ID3: variants seen among roughly 807,000 people sequenced by gnomAD.
ID3 encodes the protein inhibitor of DNA binding 3, also known as DNA-binding protein inhibitor ID-3.
ID3 carries 4 observed loss-of-function variants against 9.6 expected under a neutral mutation model. That is an observed-to-expected ratio of 0.42 (90% CI 0.21 to 0.96). The LOEUF is 0.96. ID3 is among the 40% of genes least tolerant of loss of function. The pLI is 0.30. For missense variants in ID3, 191 were observed against 164.5 expected (o/e 1.16, Z -0.88); for synonymous variants, 108 against 75.2 (o/e 1.44, Z -2.26).
chr1:23,558,698 G>A, intron 2 of ID3: 1 of 532,974 alleles, frequency 1.9e-6, no homozygotes, highest in Non-Finnish European at 3.4e-6. Context: ...TCGGACCCAT[G>A]TCTACTTTGC....
In ID3 at chr1:23,559,256, T is replaced by C. The variant is rs2124330272; in HGVS notation, c.171A>G (p.Gly57=). The C allele has an allele frequency of 6.2e-7, 1 of 1,614,176 alleles. No homozygotes were observed. Among genetic ancestry groups the C allele is most frequent in the Non-Finnish European group, 8.5e-7 (1 of 1,180,032 alleles). ...CYSRLRELVP[G]VPRGTQLSQV... ...GGCTAAGCTGAGTGCCTCTCGGGAC[T>C]CCGGGTACCAGTTCCCGCAGGCGGG... is the stretch of plus-strand genomic sequence containing the variant. Residue 57 remains glycine (G), a synonymous_variant, in exon 1 of 3, where the codon GGA becomes GGG. Coordinates refer to ENST00000374561, the MANE Select transcript of ID3 (RefSeq NM_002167.5).
rs184371695 is a variant in ID3 at position 23,559,065 on chromosome 1, C to A, written c.301-46G>T. ...AAGAGTTACGCGAGGCAATCGGGAG[C>A]TCCGAGGGTCCCGCAGCATCCTTGC... On this transcript the variant is annotated intron_variant, in intron 1 of 2. Transcript: ENST00000374561. 191 of 1,612,398 alleles carry A rather than the reference C, an allele frequency of 1.2e-4. No individual in the cohort carries two copies. In the East Asian group the frequency reaches 4.1e-3, roughly 35 times the overall value.
rs1643686195 is a variant in ID3 at position 23,559,146 on chromosome 1, C to T, written c.281G>A (p.Gly94Asp). The change falls in exon 1 of 3, where the codon GGC becomes GAC. Residue 94 changes from glycine to aspartate, a missense_variant. Coordinates refer to ENST00000374561, the MANE Select transcript of ID3 (RefSeq NM_002167.5). ...LAEPAPGPPD[G>D]PHLPIQTAEL... ...GCTTACCTGGATGGGAAGGTGGGGGCCATCAGGGGGTCCAGGGGCTGGCTC... is the reference window on the plus strand; with the variant it reads ...GCTTACCTGGATGGGAAGGTGGGGGTCATCAGGGGGTCCAGGGGCTGGCTC... 5 of 1,613,954 alleles carry T rather than the reference C, an allele frequency of 3.1e-6. No homozygotes were observed. Among genetic ancestry groups the T allele is most frequent in the Non-Finnish European group, 4.2e-6 (5 of 1,179,952 alleles).
chr1:23,558,939 A>T lies in ID3; in HGVS notation c.*21T>A. On this transcript the variant is annotated 3_prime_UTR_variant, in exon 2 of 3. Coordinates refer to ENST00000374561, the MANE Select transcript of ID3 (RefSeq NM_002167.5). ...TCCAAGAGAGGAGATACTCACCTGG[A>T]GGTGTCAGGACACGGCCGAGTCAGT... 6.2e-7 allele frequency: 1 copy of T among 1,607,570 alleles called. No homozygotes were observed.
rs1463689133 is a variant in ID3 at position 23,558,132 on chromosome 1, G to A, written c.*309C>T. ...CTCTGCCGCCGCCTTGGCATAGTTT[G>A]GAGAGCAGCCACTCCTTCCACACCT... On this transcript the variant is annotated 3_prime_UTR_variant, in exon 3 of 3. Coordinates refer to ENST00000374561, the MANE Select transcript of ID3 (RefSeq NM_002167.5). 2 of 152,742 alleles carry A rather than the reference G, an allele frequency of 1.3e-5. No individual in the cohort carries two copies. Among genetic ancestry groups the A allele is most frequent in the Non-Finnish European group, 1.5e-5 (1 of 68,160 alleles). The allele number at this position is 152,742 out of a possible 1,614,324, so 9.5% of individuals were successfully genotyped here. A position where few individuals can be genotyped will look rare whatever the true frequency, so the allele number is the denominator to read the frequency against.
Position 23,558,232 on chromosome 1 carries a change from C to T in ID3, c.*209G>A, listed in dbSNP as rs1456365659. On this transcript the variant is annotated 3_prime_UTR_variant, in exon 3 of 3. Transcript: ENST00000374561. ...GACGTCGCCCAGCTGGTGGCCAGAG[C>T]TAGCTCTGGCTCTTCAGGCCACAAG... is the stretch of plus-strand genomic sequence containing the variant. The T allele has an allele frequency of 6.5e-6, 1 of 152,740 alleles. No homozygotes were observed. The highest frequency in any genetic ancestry group is 2.4e-5 in the African/African-American group (1 of 41,454). The allele number at this position is 152,740 out of a possible 1,614,324, so 9.5% of individuals were successfully genotyped here.
rs945667905 is a variant in ID3, at chr1:23,558,039, A to G, written c.*402T>C. 1 of 152,660 alleles carries G rather than the reference A, an allele frequency of 6.6e-6. No individual in the cohort carries two copies. The highest frequency in any genetic ancestry group is 2.4e-5 in the African/African-American group (1 of 41,450). The allele number at this position is 152,660 out of a possible 1,614,324, so 9.5% of individuals were successfully genotyped here. ...TTCCTGTAAAAAAGGTACAAAACCT[A>G]TATACTCTATTATAGAGTTCATAAA... On this transcript the variant is annotated 3_prime_UTR_variant, in exon 3 of 3. Coordinates refer to ENST00000374561, the MANE Select transcript of ID3 (RefSeq NM_002167.5).
rs1352153722 is a variant in ID3, at chr1:23,559,213, G to A, written c.214C>T (p.Arg72Cys). ...TQLSQVEILQ[R>C]VIDYILDLQV... ...AGGTCGAGAATGTAGTCGATGACGC[G>A]CTGTAGGATTTCCACCTGGCTAAGC... The change falls in exon 1 of 3, where the codon CGC (arginine) becomes TGC (cysteine). Residue 72 changes from arginine (R) to cysteine (C), a missense_variant. Coordinates refer to ENST00000374561, the MANE Select transcript of ID3 (RefSeq NM_002167.5). The A allele has an allele frequency of 1.9e-6, 3 of 1,614,206 alleles. No homozygotes were observed. The highest frequency in any genetic ancestry group is 1.7e-5 in the Admixed American group (1 of 60,026).
At chr1:23,559,077 C>G in intron 1 of ID3, 50 bp downstream of exon 1, 3 of 1,612,384 alleles carry the variant, frequency 1.9e-6, no homozygotes, top group Non-Finnish European at 2.5e-6. Flanking sequence ...CCGAGGGTCC[C>G]GCAGCATCCT....
chr1:23,559,113 A>G lies in ID3; in HGVS notation c.300+14T>C. On this transcript the variant is annotated intron_variant, in intron 1 of 2. Transcript: ENST00000374561. ...TGCCTGGGTGTTCAGCCCTGTCCCG[A>G]CTTCGAGGCTTACCTGGATGGGAAG... 6.2e-7 allele frequency: 1 copy of G among 1,613,280 alleles called. No homozygotes were observed. The highest frequency in any genetic ancestry group is 1.1e-5 in the South Asian group (1 of 91,070).
chr1:23,559,292 G>A lies in ID3; in HGVS notation c.135C>T (p.Asn45=), dbSNP rs371161646. 5 of 1,613,900 alleles carry A rather than the reference G, an allele frequency of 3.1e-6. No homozygotes were observed. The highest frequency in any genetic ancestry group is 2.7e-5 in the African/African-American group (2 of 74,922). Reference sequence around the variant, plus strand: ...GTTCCCGCAGGCGGGAGTAGCAGTGGTTCATGTCGTCCAGCAAGCTCAGCG... The same window carrying A: ...GTTCCCGCAGGCGGGAGTAGCAGTGATTCATGTCGTCCAGCAAGCTCAGCG... ...EEPLSLLDDM[N]HCYSRLRELV... is the part of the protein sequence containing the mutation. The change falls in exon 1 of 3, where the codon AAC becomes AAT. Residue 45 remains asparagine, a synonymous_variant. Coordinates refer to ENST00000374561, the MANE Select transcript of ID3 (RefSeq NM_002167.5).
At position 23,559,209 on chromosome 1, in the gene ID3, A is replaced by G. The variant is rs1643687491; in HGVS notation, c.218T>C (p.Val73Ala). The change falls in exon 1 of 3, where the codon GTC becomes GCC. Residue 73 changes from valine (V) to alanine (A), a missense_variant. Physicochemically the swap from Val to Ala is moderately conservative, Grantham distance 64. Transcript: ENST00000374561. The stretch of plus-strand genomic sequence containing the variant: ...CTGCAGGTCGAGAATGTAGTCGATG[A>G]CGCGCTGTAGGATTTCCACCTGGCT... ...QLSQVEILQR[V>A]IDYILDLQVV... 1 of 1,614,114 alleles carries G rather than the reference A, an allele frequency of 6.2e-7. No homozygotes were observed. Among genetic ancestry groups the G allele is most frequent in the South Asian group, 1.1e-5 (1 of 91,074 alleles).
chr1:23,558,975 C>G lies in ID3; in HGVS notation c.345G>C (p.Arg115Ser), dbSNP rs141280661. 4 of 1,614,104 alleles carry G rather than the reference C, an allele frequency of 2.5e-6. No individual in the cohort carries two copies. Among genetic ancestry groups the G allele is most frequent in the Non-Finnish European group, 3.4e-6 (4 of 1,179,982 alleles). Reference sequence around the variant, plus strand: ...CACGGCCGAGTCAGTGGCAAAAGCTCCTTTTGTCGTTGGAGATGACAAGTT... The same window carrying G: ...CACGGCCGAGTCAGTGGCAAAAGCTGCTTTTGTCGTTGGAGATGACAAGTT... ...TPELVISNDK[R>S]SFCH Residue 115 changes from arginine (R) to serine (S), a missense_variant, in exon 2 of 3, where the codon AGG (arginine) becomes AGC (serine). Coordinates refer to ENST00000374561, the MANE Select transcript of ID3 (RefSeq NM_002167.5).
rs2124330296 is a variant in ID3 at position 23,559,261 on chromosome 1, G to A, written c.166C>T (p.Pro56Ser). Residue 56 changes from proline to serine, a missense_variant, in exon 1 of 3, where the codon CCC becomes TCC. Coordinates refer to ENST00000374561, the MANE Select transcript of ID3 (RefSeq NM_002167.5). ...AGCTGAGTGCCTCTCGGGACTCCGG[G>A]TACCAGTTCCCGCAGGCGGGAGTAG... is the stretch of plus-strand genomic sequence containing the variant. ...HCYSRLRELV[P>S]GVPRGTQLSQ... 1.2e-6 allele frequency: 2 copies of A among 1,614,158 alleles called. No individual in the cohort carries two copies. The highest frequency in any genetic ancestry group is 1.7e-6 in the Non-Finnish European group (2 of 1,180,018).
chr1:23,559,030 G>C lies in ID3; in HGVS notation c.301-11C>G. 6.2e-7 allele frequency: 1 copy of C among 1,613,912 alleles called. No homozygotes were observed. Among genetic ancestry groups the C allele is most frequent in the Non-Finnish European group, 8.5e-7 (1 of 1,179,760 alleles). On this transcript the variant is annotated splice_polypyrimidine_tract_variant and intron_variant, in intron 1 of 2. Transcript: ENST00000374561. The stretch of plus-strand genomic sequence containing the variant: ...AGTGAGCTCGGCTGTCTGATTAGAG[G>C]AAAAGAGGGAAGAGTTACGCGAGGC...
Position 23,558,959 on chromosome 1 carries a change from G to A in ID3, c.*1C>T, listed in dbSNP as rs1372927529. On this transcript the variant is annotated 3_prime_UTR_variant, in exon 2 of 3. Coordinates refer to ENST00000374561, the MANE Select transcript of ID3 (RefSeq NM_002167.5). ...CCTGGAGGTGTCAGGACACGGCCGAGTCAGTGGCAAAAGCTCCTTTTGTCG... is the reference window on the plus strand; with the variant it reads ...CCTGGAGGTGTCAGGACACGGCCGAATCAGTGGCAAAAGCTCCTTTTGTCG... 6.2e-7 allele frequency: 1 copy of A among 1,613,606 alleles called. No homozygotes were observed. The highest frequency in any genetic ancestry group is 8.5e-7 in the Non-Finnish European group (1 of 1,179,696).
Position 23,559,393 on chromosome 1 carries a change from C to G in ID3, c.34G>C (p.Glu12Gln), listed in dbSNP as rs765906626. The change falls in exon 1 of 3, where the codon GAG becomes CAG. Residue 12 changes from glutamate to glutamine, a missense_variant. Physicochemically the swap from Glu to Gln is conservative, Grantham distance 29. Transcript: ENST00000374561. ...KALSPVRGCY[E>Q]AVCCLSERSL... ...CGTTCCGACAGGCAGCACACCGCCT[C>G]GTAGCAGCCGCGCACCGGGCTCAGC... 7 of 1,612,464 alleles carry G rather than the reference C, an allele frequency of 4.3e-6. No homozygotes were observed. In the Admixed American group the frequency reaches 6.7e-5, roughly 15 times the overall value.
At chr1:23,558,806 C>T (rs1643680181) in intron 2 of ID3, 129 bp downstream of exon 2, 2 of 643,362 alleles carry the variant, frequency 3.1e-6, no homozygotes, top group African/African-American at 3.6e-5. Flanking sequence ...TTGATGCAAC[C>T]ATGGGCAAGT....
In ID3 at chr1:23,559,335, C is replaced by T; in HGVS notation, c.92G>A (p.Gly31Asp). Reference sequence around the variant, plus strand: ...GCTCAGCGGCTCCTCAGCTGCCGGGCCCTTCCCTCGGCCCCGGGCGATGGC... The same window carrying T: ...GCTCAGCGGCTCCTCAGCTGCCGGGTCCTTCCCTCGGCCCCGGGCGATGGC... ...SLAIARGRGK[G>D]PAAEEPLSLL... Residue 31 changes from glycine (G) to aspartate (D), a missense_variant, in exon 1 of 3, where the codon GGC (glycine) becomes GAC (aspartate). Physicochemically the swap from Gly to Asp is moderately conservative, Grantham distance 94 (BLOSUM62 -1). Coordinates refer to ENST00000374561, the MANE Select transcript of ID3 (RefSeq NM_002167.5). The T allele has an allele frequency of 2.5e-6, 4 of 1,613,574 alleles. No individual in the cohort carries two copies. Among genetic ancestry groups the T allele is most frequent in the Non-Finnish European group, 3.4e-6 (4 of 1,180,036 alleles).
Sources: gnomAD v4.1 joint callset for allele counts on GRCh38, gnomAD v4.1.1 for gene constraint, MANE v1.5 for transcripts, NCBI Gene and HGNC (gene_info 2026-07-23, HGNC 2026-07-21) for gene names.